The following EIPR1 variants were observed in gnomAD, a reference collection of about 807,000 sequenced individuals.
EIPR1 encodes the protein EARP complex and GARP complex interacting protein 1, also known as EARP and GARP complex-interacting protein 1.
Under a neutral mutation model 48.1 loss-of-function variants are expected in EIPR1, and 25 were observed. The ratio of observed to expected loss-of-function variants is 0.52; its 90% CI spans 0.38 to 0.73. EIPR1 has a LOEUF of 0.73. EIPR1 is among the 30% of genes least tolerant of loss of function. EIPR1 has a pLI of 0.00. For missense variants in EIPR1, 415 were observed against 506.2 expected (o/e 0.82, Z 1.73); for synonymous variants, 204 against 201.9 (o/e 1.01, Z -0.09).
intron 4 of EIPR1, among the ~76,000 whole-genome samples, chr2:3,227,156 T>TCAG (rs1240100761): frequency 9.1e-5 from 2 of 21,972 alleles, no homozygotes; most frequent in Non-Finnish European, 4.3e-4. Context: ...TTTGGAGAGC[T>TCAG]CAGAAGACAG....
intron 3 of EIPR1, among the ~76,000 whole-genome samples, chr2:3,281,742 C>G (rs1668017204): frequency 6.6e-6 from 1 of 152,054 alleles, no homozygotes; most frequent in Non-Finnish European, 1.5e-5. Context: ...TCCAACCATC[C>G]CAAATTAAAA....
At chr2:3,295,564 TCC>T (rs1668542626) in intron 3 of EIPR1, among the ~76,000 whole-genome samples, 62 of 112,110 alleles carry the variant, frequency 5.5e-4, no homozygotes, top group Non-Finnish European at 6.8e-4. Flanking sequence ...CCATCCTCTC[TCC>T]ACACACACAC....
At chr2:3,289,674 C>T (rs1479993798) in intron 3 of EIPR1, among the ~76,000 whole-genome samples, 3 of 152,264 alleles carry the variant, frequency 2.0e-5, no homozygotes, top group Non-Finnish European at 4.4e-5. Flanking sequence ...ACCCAATTCA[C>T]ATTTCCCATG....
intron 2 of EIPR1, among the ~76,000 whole-genome samples, chr2:3,344,831 C>G (rs1370068066): frequency 6.6e-6 from 1 of 151,774 alleles, no homozygotes; most frequent in Non-Finnish European, 1.5e-5. Context: ...TTAGTAGAGA[C>G]AGGGTTTCAT....
intron 4 of EIPR1, among the ~76,000 whole-genome samples, chr2:3,238,775 G>T (rs1048443020): frequency 1.4e-4 from 22 of 152,244 alleles, no homozygotes; most frequent in Non-Finnish European, 1.5e-5. Flanking sequence ...TTTCCATGCT[G>T]CAAGAGGCCA....
At chr2:3,369,078 A>AAAC (rs1671044592) in intron 1 of EIPR1, among the ~76,000 whole-genome samples, 1 of 152,240 alleles carries the variant, frequency 6.6e-6, no homozygotes, top group African/African-American at 2.4e-5. Context: ...TACTGCAATG[A>AAAC]TGGTTCTTCA....
intron 3 of EIPR1, among the ~76,000 whole-genome samples, chr2:3,311,473 C>T (rs893443978): frequency 1.3e-5 from 2 of 152,172 alleles, no homozygotes; most frequent in African/African-American, 4.8e-5. Context: ...TTTTTTCACA[C>T]TTAGAACATA....
chr2:3,350,367 A>G (rs1036117158), intron 2 of EIPR1, among the ~76,000 whole-genome samples: 1 of 152,112 alleles, frequency 6.6e-6, no homozygotes, highest in African/African-American at 2.4e-5. Context: ...ACTCACTGTC[A>G]CGAGAACATC....
intron 2 of EIPR1, among the ~76,000 whole-genome samples, chr2:3,344,908 G>T (rs529444677): frequency 6.6e-6 from 1 of 152,068 alleles, no homozygotes; most frequent in African/African-American, 2.4e-5. Context: ...TTTTTCCAGT[G>T]CTTATGAGCC....
chr2:3,260,473 A>T (rs1667295316), intron 3 of EIPR1, among the ~76,000 whole-genome samples: 1 of 121,978 alleles, frequency 8.2e-6, no homozygotes, highest in Admixed American at 1.1e-4. Context: ...CCTGGGCAAC[A>T]CAGCGAGACT....
chr2:3,223,301 C>T (rs2167960), intron 4 of EIPR1, among the ~76,000 whole-genome samples: 138,262 of 152,166 alleles, frequency 0.91, 63,421 homozygotes, highest in East Asian at 0.98. Flanking sequence ...GCACTCCCCC[C>T]ACACATGCAA....
chr2:3,271,672 C>G (rs2103246191), intron 3 of EIPR1, among the ~76,000 whole-genome samples: 1 of 152,286 alleles, frequency 6.6e-6, no homozygotes, highest in South Asian at 2.1e-4. Flanking sequence ...TGCTGTCATC[C>G]AGGCTTTATT....
intron 3 of EIPR1, among the ~76,000 whole-genome samples, chr2:3,261,464 G>A (rs1042133731): frequency 1.3e-5 from 2 of 152,146 alleles, no homozygotes; most frequent in African/African-American, 2.4e-5. Context: ...GATTCCCCAC[G>A]GGTTAGGAAC....
At chr2:3,354,482 G>T in intron 2 of EIPR1, 68 bp downstream of exon 2, 1 of 1,448,172 alleles carries the variant, frequency 6.9e-7, no homozygotes, top group Non-Finnish European at 9.6e-7. Flanking sequence ...GAAAATCAGA[G>T]CAAAATGGTT....
At chr2:3,330,461 T>G (rs1437043406) in intron 3 of EIPR1, among the ~76,000 whole-genome samples, 1 of 151,990 alleles carries the variant, frequency 6.6e-6, no homozygotes, top group African/African-American at 2.4e-5. Context: ...ACACAGAGTG[T>G]CGCCGAGGAT....
intron 1 of EIPR1, among the ~76,000 whole-genome samples, chr2:3,362,193 C>T (rs1033931614): frequency 1.3e-5 from 2 of 152,142 alleles, no homozygotes; most frequent in Non-Finnish European, 2.9e-5. Context: ...CGGGGATGAG[C>T]CCCTCACTCC....
intron 1 of EIPR1, among the ~76,000 whole-genome samples, chr2:3,358,608 C>T (rs79576942): frequency 6.6e-6 from 1 of 152,218 alleles, no homozygotes; most frequent in East Asian, 1.9e-4. Context: ...AAGTTATAGG[C>T]CTTCTGCCAA....
intron 3 of EIPR1, among the ~76,000 whole-genome samples, chr2:3,314,797 C>T (rs1669234864): frequency 3.3e-5 from 5 of 151,930 alleles, no homozygotes; most frequent in Admixed American, 3.3e-4. Flanking sequence ...CCTGCCTCAG[C>T]CGCACTGGAC....
intron 3 of EIPR1, among the ~76,000 whole-genome samples, chr2:3,328,706 C>G (rs113039626): frequency 2.2e-5 from 3 of 138,296 alleles, no homozygotes; most frequent in Admixed American, 7.0e-5. Flanking sequence ...GCCCACCCAC[C>G]ACGCTCTAAT....
Sources: allele counts gnomAD v4.1 joint callset (sites outside exome capture counted in the v4.1 genomes callset), GRCh38; gene constraint gnomAD v4.1.1; transcripts MANE v1.5; gene names NCBI Gene and HGNC (gene_info 2026-07-23, HGNC 2026-07-21).